CPQ: variants seen among roughly 807,000 people sequenced by gnomAD.
CPQ encodes the protein Ser-Met dipeptidase.
A neutral mutation model predicts 45.7 loss-of-function variants in CPQ; 37 were observed. The observed-to-expected ratio is 0.81, with a 90% CI of 0.62 to 1.07. CPQ has a LOEUF of 1.07. Ranked by LOEUF, CPQ falls within the 50% of genes least tolerant of loss-of-function variation. CPQ has a pLI of 0.00. For synonymous variants in CPQ, 186 were observed against 205.8 expected (o/e 0.90, Z 0.82); for missense variants, 537 against 572.9 (o/e 0.94, Z 0.64).
chr8:96,698,655 A>G (rs1809417169), intron 1 of CPQ, among the ~76,000 whole-genome samples: 2 of 152,170 alleles, frequency 1.3e-5, no homozygotes, highest in South Asian at 4.1e-4. Context: ...ATAGGAAAAA[A>G]TATAATAATA....
chr8:97,122,328 C>G (rs1338468124), intron 7 of CPQ, among the ~76,000 whole-genome samples: 2 of 152,058 alleles, frequency 1.3e-5, no homozygotes, highest in Admixed American at 6.6e-5. Context: ...AGAATAATCA[C>G]TGATGTTTTT....
intron 4 of CPQ, among the ~76,000 whole-genome samples, chr8:96,906,734 C>A (rs1373581843): frequency 6.6e-6 from 1 of 151,982 alleles, no homozygotes; most frequent in East Asian, 1.9e-4. Context: ...TCTGGGGCCT[C>A]TTTTATAAGG....
intron 1 of CPQ, among the ~76,000 whole-genome samples, chr8:96,654,640 A>G (rs1251619787): frequency 6.6e-6 from 1 of 152,184 alleles, no homozygotes; most frequent in Non-Finnish European, 1.5e-5. Context: ...GGCCAGGGGC[A>G]TTGTCTAATA....
At chr8:96,799,596 G>T (rs117038017) in intron 2 of CPQ, among the ~76,000 whole-genome samples, 1 of 152,320 alleles carries the variant, frequency 6.6e-6, no homozygotes, top group East Asian at 1.9e-4. Context: ...CAAAGTGTCA[G>T]AGGTTGCAAA....
rs115513877 is a variant in CPQ at position 96,782,461 on chromosome 8, G to A, written c.-34-2403G>A. Among the ~76,000 whole-genome samples the A allele has an allele frequency of 6.1e-3, 927 of 152,250 alleles. 10 individuals are homozygous for A. Among genetic ancestry groups the A allele is most frequent in the African/African-American group, 0.02 (851 of 41,552 alleles). ...GGCAGTTAATTCTGAGGTCCCCTGG[G>A]TGCCTCTTTGGAAACTTTGCCCTCA... On this transcript the variant is annotated intron_variant, in intron 1 of 7. Transcript: ENST00000220763.
intron 1 of CPQ, among the ~76,000 whole-genome samples, chr8:96,655,438 T>C (rs1041088842): frequency 1.3e-5 from 2 of 152,136 alleles, no homozygotes; most frequent in Admixed American, 6.5e-5. Flanking sequence ...TCTTCTATAT[T>C]CTCATTTTGT....
intron 1 of CPQ, among the ~76,000 whole-genome samples, chr8:96,696,323 G>T (rs1030975184): frequency 6.6e-6 from 1 of 151,960 alleles, no homozygotes; most frequent in African/African-American, 2.4e-5. Context: ...GATAGCATTG[G>T]GAGATATACC....
intron 7 of CPQ, among the ~76,000 whole-genome samples, chr8:97,076,209 A>G (rs1810843071): frequency 6.6e-6 from 1 of 152,012 alleles, no homozygotes; most frequent in African/African-American, 2.4e-5. Flanking sequence ...TATTTTTAGT[A>G]GAGATGGGGT....
At chr8:96,992,725 G>A (rs927107919) in intron 5 of CPQ, among the ~76,000 whole-genome samples, 3 of 152,078 alleles carry the variant, frequency 2.0e-5, no homozygotes, top group Non-Finnish European at 4.4e-5. Flanking sequence ...ATTCAATAAA[G>A]GAGAGTCTCC....
intron 4 of CPQ, among the ~76,000 whole-genome samples, chr8:96,893,292 A>G (rs1812401035): frequency 6.6e-6 from 1 of 152,226 alleles, no homozygotes; most frequent in African/African-American, 2.4e-5. Flanking sequence ...CATCAGCATC[A>G]ACAGCAACTA....
chr8:96,794,363 T>C (rs1175350506), intron 2 of CPQ, among the ~76,000 whole-genome samples: 1 of 152,188 alleles, frequency 6.6e-6, no homozygotes, highest in African/African-American at 2.4e-5. Context: ...AGATTCTACA[T>C]TGGCCCCTTT....
At chr8:96,979,226 T>G (rs1169134243) in intron 5 of CPQ, among the ~76,000 whole-genome samples, 1 of 152,118 alleles carries the variant, frequency 6.6e-6, no homozygotes, top group Non-Finnish European at 1.5e-5. Context: ...GTTGGTGCTA[T>G]AGGCAGCAGG....
At chr8:96,783,263 G>A (rs746725363) in intron 1 of CPQ, among the ~76,000 whole-genome samples, 2 of 150,074 alleles carry the variant, frequency 1.3e-5, no homozygotes, top group Non-Finnish European at 3.0e-5. Flanking sequence ...TTGTGTGAGT[G>A]TGTGTGTGTG....
chr8:97,060,212 T>C (rs1284229833), intron 6 of CPQ, among the ~76,000 whole-genome samples: 1 of 152,134 alleles, frequency 6.6e-6, no homozygotes, highest in Non-Finnish European at 1.5e-5. Context: ...CATCCTTGTG[T>C]TTATATTAGG....
At chr8:96,849,584 A>T (rs1811744317) in intron 3 of CPQ, among the ~76,000 whole-genome samples, 1 of 152,210 alleles carries the variant, frequency 6.6e-6, no homozygotes, top group African/African-American at 2.4e-5. Flanking sequence ...CCTATAGTCA[A>T]TCCAGTGCTG....
intron 1 of CPQ, among the ~76,000 whole-genome samples, chr8:96,672,004 G>T (rs1490167955): frequency 6.6e-6 from 1 of 152,010 alleles, no homozygotes; most frequent in African/African-American, 2.4e-5. Flanking sequence ...TAGAGATTTG[G>T]GTGAAATAGA....
intron 2 of CPQ, among the ~76,000 whole-genome samples, chr8:96,805,610 G>T (rs2130825346): frequency 6.6e-6 from 1 of 152,120 alleles, no homozygotes; most frequent in East Asian, 1.9e-4. Context: ...TGTAATGTTT[G>T]CTAAGCTATG....
At chr8:97,139,353 T>C (rs1812116578) in intron 7 of CPQ, among the ~76,000 whole-genome samples, 1 of 152,072 alleles carries the variant, frequency 6.6e-6, no homozygotes, top group Non-Finnish European at 1.5e-5. Context: ...AATTGATGGG[T>C]CAAATAGACA....
intron 4 of CPQ, among the ~76,000 whole-genome samples, chr8:96,911,195 A>G (rs543366175): frequency 9.9e-5 from 15 of 151,320 alleles, no homozygotes; most frequent in African/African-American, 3.4e-4. Context: ...GTTTGCACCG[A>G]AAGTAGTTAC....
Sources: gnomAD v4.1 joint callset for allele counts (sites outside exome capture counted in the v4.1 genomes callset) on GRCh38, gnomAD v4.1.1 for gene constraint, MANE v1.5 for transcripts, NCBI Gene and HGNC (gene_info 2026-07-23, HGNC 2026-07-21) for gene names.